The following UBE2D4 variants were observed in gnomAD, a reference collection of about 807,000 sequenced individuals.
UBE2D4 encodes ubiquitin conjugating enzyme E2 D4, also known as ubiquitin-conjugating enzyme E2 D4.
UBE2D4 carries 17 observed loss-of-function variants against 23.0 expected under a neutral mutation model. That is an observed-to-expected ratio of 0.74 (90% confidence interval 0.51 to 1.11). The LOEUF is 1.11. Ranked by LOEUF, UBE2D4 falls within the 50% of genes least tolerant of loss-of-function variation. UBE2D4 has a pLI of 0.00. For missense variants in UBE2D4, 139 were observed against 181.8 expected, an observed-to-expected ratio of 0.76 and a Z score of 1.35; for synonymous variants, 61 against 69.4, an observed-to-expected ratio of 0.88 and a Z score of 0.60.
chr7:43,950,908 G>A (rs1471060814), intron 6 of UBE2D4, among the ~76,000 whole-genome samples: 1 of 152,214 alleles, frequency 6.6e-6, no homozygotes, highest in Non-Finnish European at 1.5e-5. Flanking sequence ...GGAGATAAAA[G>A]CAGTTCCCCT....
intron 1 of UBE2D4, 66 bp downstream of exon 1, chr7:43,926,622 C>A: frequency 1.3e-6 from 2 of 1,487,918 alleles, no homozygotes; most frequent in Non-Finnish European, 1.8e-6. Context: ...CGGGGCGCCG[C>A]TGCCGTGAAG....
At chr7:43,927,299 CTTTT>C (rs71769283) in intron 1 of UBE2D4, among the ~76,000 whole-genome samples, 4 of 131,228 alleles carry the variant, frequency 3.0e-5, no homozygotes, top group Non-Finnish European at 3.2e-5. Flanking sequence ...GTATTTATAA[CTTTT>C]TTTTTTTTTT....
chr7:43,942,221 CAGA>C (rs956507301), intron 2 of UBE2D4: 15 of 154,682 alleles, frequency 9.7e-5, no homozygotes, highest in Admixed American at 9.4e-4. Context: ...GAGGTTGAGG[CAGA>C]AGGATAGCTT....
intron 4 of UBE2D4, among the ~76,000 whole-genome samples, chr7:43,946,759 A>G (rs1463228471): frequency 6.6e-6 from 1 of 151,964 alleles, no homozygotes; most frequent in Non-Finnish European, 1.5e-5. Flanking sequence ...ACATATTTGA[A>G]GTGCACAAGG....
chr7:43,950,430 G>A (rs923841801), intron 5 of UBE2D4, among the ~76,000 whole-genome samples, 169 bp from the exon 6 acceptor site: 6 of 152,160 alleles, frequency 3.9e-5, no homozygotes, highest in African/African-American at 1.4e-4. Context: ...GGACCACCTC[G>A]GCTGATACAT....
At position 43,950,635 on chromosome 7, in the gene UBE2D4, A is replaced by G. The variant is rs1173967594; in HGVS notation, c.341A>G (p.Asn114Ser). The G allele has an allele frequency of 1.2e-6, 2 of 1,614,022 alleles. No individual in the cohort carries two copies. The highest frequency in any genetic ancestry group is 1.7e-6 in the Non-Finnish European group (2 of 1,180,004). Residue 114 changes from asparagine to serine, a missense_variant, in exon 6 of 7, where the codon AAC (asparagine) becomes AGC (serine). Asn to Ser is a conservative substitution (Grantham distance 46). Transcript: ENST00000222402. ...LSICSLLCDPNPDDPLVPEIA... is the reference protein window; with the variant it reads ...LSICSLLCDPSPDDPLVPEIA... Reference sequence around the variant, plus strand: ...ATCTGCTCGCTGCTCTGCGACCCCAACCCCGATGACCCCCTGGTGCCAGAG... The same window carrying G: ...ATCTGCTCGCTGCTCTGCGACCCCAGCCCCGATGACCCCCTGGTGCCAGAG...
chr7:43,952,930 G>T lies in UBE2D4; in HGVS notation c.*235G>T. ...GCAACCATTGTTGTTATGATCTGCA[G>T]TCTTCCTGGTGACACTGGAATCTCT... is the stretch of plus-strand genomic sequence containing the variant. On this transcript the variant is annotated 3_prime_UTR_variant, in exon 7 of 7. Coordinates refer to ENST00000222402, the MANE Select transcript of UBE2D4 (RefSeq NM_015983.4). The T allele has an allele frequency of 2.1e-6, 1 of 471,692 alleles. No individual in the cohort carries two copies. Among genetic ancestry groups the T allele is most frequent in the Non-Finnish European group, 4.0e-6 (1 of 253,072 alleles). The allele number at this position is 471,692 out of a possible 1,614,324, so 29.2% of individuals were successfully genotyped here.
intron 6 of UBE2D4, among the ~76,000 whole-genome samples, chr7:43,951,590 G>C (rs951412130): frequency 1.3e-5 from 2 of 152,062 alleles, no homozygotes; most frequent in Admixed American, 6.5e-5. Flanking sequence ...AAGTGCAGTG[G>C]TGTGATCACA....
At chr7:43,933,085 A>G (rs2095950653) in intron 1 of UBE2D4, among the ~76,000 whole-genome samples, 1 of 147,552 alleles carries the variant, frequency 6.8e-6, no homozygotes, top group African/African-American at 2.5e-5. Flanking sequence ...ATATACACAT[A>G]TGTATGTGTG....
chr7:43,952,453 A>C (rs948686561), intron 6 of UBE2D4, 197 bp from the exon 7 acceptor site: 1 of 561,872 alleles, frequency 1.8e-6, no homozygotes, highest in East Asian at 2.9e-5. Context: ...TGAGGGGTTC[A>C]CCCAGCTGGG....
intron 5 of UBE2D4, among the ~76,000 whole-genome samples, 197 bp from the exon 6 acceptor site, chr7:43,950,402 C>T (rs1243293328): frequency 1.3e-4 from 20 of 152,116 alleles, no homozygotes; most frequent in Admixed American, 9.2e-4. Context: ...GCACAGCATG[C>T]CTCAGGCCAC....
rs141239917 is a variant in UBE2D4 at position 43,937,856 on chromosome 7, G to A, written c.25-575G>A. ...CCCCACTGGTGCAGTGTTAAACTTT[G>A]GCTCACGTGCCAGTCTCCACATTCA... On this transcript the variant is annotated intron_variant, in intron 1 of 6. Coordinates refer to ENST00000222402, the MANE Select transcript of UBE2D4 (RefSeq NM_015983.4). Among the ~76,000 whole-genome samples, 196 of 87,648 alleles carry A rather than the reference G, an allele frequency of 2.2e-3. 1 individual carries two copies. Among genetic ancestry groups the A allele is most frequent in the African/African-American group, 7.9e-3 (187 of 23,556 alleles). 57.5% of individuals were successfully genotyped at this position (87,648 alleles called of 152,430 possible). A position where few individuals can be genotyped will look rare whatever the true frequency, so the allele number is the denominator to read the frequency against.
chr7:43,945,303 A>C (rs2095983482), intron 4 of UBE2D4, among the ~76,000 whole-genome samples: 1 of 152,210 alleles, frequency 6.6e-6, no homozygotes, highest in Non-Finnish European at 1.5e-5. Flanking sequence ...AACAGTGGTT[A>C]TTATTAAAAA....
intron 1 of UBE2D4, among the ~76,000 whole-genome samples, chr7:43,934,576 C>G (rs1416812831): frequency 6.6e-6 from 1 of 150,882 alleles, no homozygotes; most frequent in Non-Finnish European, 1.5e-5. Context: ...AACAGAATCT[C>G]ACTCTGTCAC....
At chr7:43,927,917 G>A (rs953983150) in intron 1 of UBE2D4, 19 of 374,618 alleles carry the variant, frequency 5.1e-5, no homozygotes, top group East Asian at 8.2e-5. Context: ...TTGCTGTTAC[G>A]AACTGTGTAT....
rs911194616 is a variant in UBE2D4, at chr7:43,950,466, C to G, written c.305-133C>G. On this transcript the variant is annotated intron_variant, in intron 5 of 6. Transcript: ENST00000222402. Reference sequence around the variant, plus strand: ...GGGACGGGGCAAGTGGTGCATCAAGCAATTTAGATTGGGCTGTTGAAGGGA... The same window carrying G: ...GGGACGGGGCAAGTGGTGCATCAAGGAATTTAGATTGGGCTGTTGAAGGGA... 1.2e-5 allele frequency: 8 copies of G among 693,668 alleles called. No individual in the cohort carries two copies. The Admixed American group carries it at 1.5e-4, about 13-fold the overall frequency. 43.0% of individuals were successfully genotyped at this position (693,668 alleles called of 1,614,324 possible). A position where few individuals can be genotyped will look rare whatever the true frequency, so the allele number is the denominator to read the frequency against.
intron 5 of UBE2D4, 34 bp downstream of exon 5, chr7:43,948,771 T>C: frequency 6.7e-7 from 1 of 1,497,656 alleles, no homozygotes; most frequent in African/African-American, 1.4e-5. Context: ...TGTGTGCTCT[T>C]TTACACATGT....
chr7:43,931,169 G>T (rs1161864250), intron 1 of UBE2D4, among the ~76,000 whole-genome samples: 2 of 152,090 alleles, frequency 1.3e-5, no homozygotes, highest in Non-Finnish European at 2.9e-5. Context: ...GGATGAGGTG[G>T]CCCATGCCTG....
At chr7:43,929,844 A>G (rs1044394383) in intron 1 of UBE2D4, among the ~76,000 whole-genome samples, 1 of 152,226 alleles carries the variant, frequency 6.6e-6, no homozygotes, top group African/African-American at 2.4e-5. Context: ...TAGGAAATAC[A>G]ACTTTAAAAG....
Sources: gnomAD v4.1 joint callset for allele counts (sites outside exome capture counted in the v4.1 genomes callset) on GRCh38, gnomAD v4.1.1 for gene constraint, MANE v1.5 for transcripts, NCBI Gene and HGNC (gene_info 2026-07-23, HGNC 2026-07-21) for gene names.